Variants in BOLL observed in about 807,000 individuals in gnomAD.
BOLL encodes protein boule-like.
BOLL carries 23 observed loss-of-function variants against 44.4 expected under a neutral mutation model. That is an observed-to-expected ratio of 0.52 (90% confidence interval 0.37 to 0.73). BOLL has a LOEUF of 0.73. Among genes scored for constraint, BOLL ranks in the 30% least tolerant of loss-of-function variants. The pLI, the probability that BOLL is intolerant of heterozygous loss-of-function variation, is 0.00. For missense variants in BOLL, 287 were observed against 338.3 expected (o/e 0.85, Z 1.19); for synonymous variants, 97 against 110.8 (o/e 0.88, Z 0.78).
chr2:197,776,389 T>A (rs1053099720), intron 4 of BOLL, among the ~76,000 whole-genome samples: 64 of 152,096 alleles, frequency 4.2e-4, no homozygotes, highest in African/African-American at 1.4e-3. Context: ...TTATATATGA[T>A]GCCTTTAAAT....
intron 9 of BOLL, among the ~76,000 whole-genome samples, chr2:197,747,971 G>T (rs186669142): frequency 9.7e-4 from 148 of 152,298 alleles, no homozygotes; most frequent in Non-Finnish European, 1.7e-3. Flanking sequence ...TGGCCAAATA[G>T]GACCAGCTCT....
intron 10 of BOLL, among the ~76,000 whole-genome samples, chr2:197,735,419 C>T (rs946975190): frequency 6.6e-6 from 1 of 152,024 alleles, no homozygotes; most frequent in African/African-American, 2.4e-5. Context: ...CTAATTTTAT[C>T]TTTTCTCTAT....
rs112329487 is a variant in BOLL at position 197,766,784 on chromosome 2, T to C, written c.481-181A>G. On this transcript the variant is annotated intron_variant, in intron 6 of 10. Transcript: ENST00000392296. ...TAAGTCTATTAAAATCATCACAATATTTCTACTTCTACGTGGTTTCATTTC... is the reference window on the plus strand; with the variant it reads ...TAAGTCTATTAAAATCATCACAATACTTCTACTTCTACGTGGTTTCATTTC... 6.1e-3 allele frequency among the ~76,000 whole-genome samples: 925 copies of C among 152,162 alleles called. 16 individuals carry two copies. The highest frequency in any genetic ancestry group is 0.021 in the African/African-American group (865 of 41,554).
chr2:197,741,187 C>T (rs542798197), intron 10 of BOLL, among the ~76,000 whole-genome samples: 6 of 152,048 alleles, frequency 3.9e-5, no homozygotes, highest in Admixed American at 2.0e-4. Flanking sequence ...TTCTTGAAGA[C>T]GTCCTTCACA....
chr2:197,778,870 T>C (rs1689640300), intron 3 of BOLL, 105 bp downstream of exon 3: 3 of 850,652 alleles, frequency 3.5e-6, no homozygotes, highest in Admixed American at 5.2e-5. Context: ...GAGGGCATGA[T>C]GGTCTCTGCT....
rs1177579366 is a variant in BOLL, at chr2:197,771,955, G to A, written c.380C>T (p.Thr127Ile). 6.3e-6 allele frequency: 10 copies of A among 1,589,468 alleles called. No individual in the cohort carries two copies. The highest frequency in any genetic ancestry group is 8.6e-6 in the Non-Finnish European group (10 of 1,163,092). The change falls in exon 6 of 11, where the codon ACA becomes ATA. Residue 127 changes from threonine (T) to isoleucine (I), a missense_variant. By Grantham distance (89) the Thr-to-Ile change is moderately conservative (BLOSUM62 -1). Coordinates refer to ENST00000392296, the MANE Select transcript of BOLL (RefSeq NM_033030.6). ...TCCAGTTGAAGTTGTTAGATACATT[G>A]TTCCAGCTGCTGGCATTATACTAGA... ...PRSSIMPAAG[T>I]MYLTTSTGYP...
intron 10 of BOLL, among the ~76,000 whole-genome samples, chr2:197,731,787 CCAG>C (rs1687195585): frequency 6.6e-6 from 1 of 151,402 alleles, no homozygotes; most frequent in Non-Finnish European, 1.5e-5. Context: ...ACACAACATA[CCAG>C]AATCTCTGGG....
intron 5 of BOLL, among the ~76,000 whole-genome samples, chr2:197,773,303 C>T (rs1022965903): frequency 8.6e-5 from 13 of 151,640 alleles, no homozygotes; most frequent in African/African-American, 2.9e-4. Flanking sequence ...CCATGCTTTA[C>T]CTGCTAAATA....
chr2:197,734,022 G>T (rs1390408250), intron 10 of BOLL, among the ~76,000 whole-genome samples: 1 of 151,392 alleles, frequency 6.6e-6, no homozygotes, highest in Non-Finnish European at 1.5e-5. Flanking sequence ...AGAGTGAACA[G>T]GCAACCTACA....
intron 10 of BOLL, among the ~76,000 whole-genome samples, chr2:197,736,450 A>G (rs538913661): frequency 5.3e-5 from 8 of 152,220 alleles, no homozygotes; most frequent in South Asian, 4.1e-4. Context: ...TTTGTAGTTC[A>G]CTTAATAGGT....
chr2:197,732,273 C>T (rs1216198639), intron 10 of BOLL, among the ~76,000 whole-genome samples: 2 of 151,996 alleles, frequency 1.3e-5, no homozygotes, highest in African/African-American at 4.8e-5. Context: ...GAAGTTGAAT[C>T]TCTGAATAGA....
chr2:197,785,887 G>T, upstream of BOLL: 1 of 1,049,742 alleles, frequency 9.5e-7, no homozygotes, highest in Non-Finnish European at 1.5e-6. The surrounding 1 kb of genome is among the most constrained non-coding windows in gnomAD (Gnocchi z 6.7). Flanking sequence ...AGCGTTTGGG[G>T]CCTTCACCTC....
At chr2:197,779,169 A>T in intron 2 of BOLL, 103 bp from the exon 3 acceptor site, 1 of 780,468 alleles carries the variant, frequency 1.3e-6, no homozygotes, top group Non-Finnish European at 2.0e-6. Flanking sequence ...GATAAGATGC[A>T]TGAAAAATGC....
chr2:197,785,175 C>G lies in BOLL; in HGVS notation c.-135G>C, dbSNP rs749514355. Reference sequence around the variant, plus strand: ...CTCGGGTCATCGTGAACTTGGGCACCGAAACGAGGATCCACCCCCTCCCCA... The same window carrying G: ...CTCGGGTCATCGTGAACTTGGGCACGGAAACGAGGATCCACCCCCTCCCCA... On this transcript the variant is annotated 5_prime_UTR_variant, in exon 1 of 11. Transcript: ENST00000392296. The surrounding 1 kb of genome is among the most constrained non-coding windows in gnomAD (Gnocchi z 6.7). 3 of 985,790 alleles carry G rather than the reference C, an allele frequency of 3.0e-6. No homozygotes were observed. In the African/African-American group the frequency reaches 5.2e-5, roughly 17 times the overall value. The allele number at this position is 985,790 out of a possible 1,614,324, so 61.1% of individuals were successfully genotyped here. A position where few individuals can be genotyped will look rare whatever the true frequency, so the allele number is the denominator to read the frequency against.
intron 9 of BOLL, 90 bp downstream of exon 9, chr2:197,756,338 G>T: frequency 8.3e-7 from 1 of 1,207,440 alleles, no homozygotes; most frequent in South Asian, 2.1e-5. Flanking sequence ...CAGTTTCAAT[G>T]AGGGTCGTGA....
intron 7 of BOLL, among the ~76,000 whole-genome samples, chr2:197,757,725 T>C (rs1243447529): frequency 6.6e-6 from 1 of 152,162 alleles, no homozygotes; most frequent in African/African-American, 2.4e-5. Context: ...AAAAAACTTT[T>C]GTGCAAGTGA....
At chr2:197,731,378 C>A (rs1337751019) in intron 10 of BOLL, among the ~76,000 whole-genome samples, 3 of 146,154 alleles carry the variant, frequency 2.1e-5, no homozygotes, top group Non-Finnish European at 4.5e-5. Flanking sequence ...GACTTTAACA[C>A]CCCACTGTCA....
intron 10 of BOLL, among the ~76,000 whole-genome samples, chr2:197,739,428 G>A (rs1375065133): frequency 6.6e-6 from 1 of 151,934 alleles, no homozygotes. Context: ...TGCCCAGATA[G>A]TTTTTAAAAT....
Position 197,771,891 on chromosome 2 carries a change from A to G in BOLL, c.444T>C (p.His148=). The G allele has an allele frequency of 1.3e-6, 2 of 1,599,030 alleles. No homozygotes were observed. The highest frequency in any genetic ancestry group is 2.3e-5 in the South Asian group (2 of 87,682). Residue 148 remains histidine (H), a synonymous_variant, in exon 6 of 11, where the codon CAT becomes CAC. Transcript: ENST00000392296. ...GTGGGACCGAAGTTACCTCTGGAGT[A>G]TGAAAATAAGCAACACCATTATGGT... ...YTYHNGVAYF[H]TPEVTSVPPP...
Sources: gnomAD v4.1 joint callset for allele counts (sites outside exome capture counted in the v4.1 genomes callset) on GRCh38, gnomAD v4.1.1 for gene constraint, Gnocchi (gnomAD v3.1) non-coding constraint, MANE v1.5 for transcripts, NCBI Gene and HGNC (gene_info 2026-07-23, HGNC 2026-07-21) for gene names.